PAX9: variants seen among roughly 807,000 people sequenced by gnomAD.
PAX9 encodes paired box 9.
PAX9 carries 6 observed loss-of-function variants against 29.1 expected under a neutral mutation model. That is an observed-to-expected ratio of 0.21 (90% CI 0.11 to 0.41). The LOEUF (loss-of-function observed/expected upper bound fraction) is 0.41, where lower values mean the gene tolerates loss of function less well. Ranked by LOEUF, PAX9 falls within the 10% of genes least tolerant of loss-of-function variation. The pLI is 1.00. For synonymous variants in PAX9, 217 were observed against 211.7 expected (o/e 1.03, Z -0.22); for missense variants, 443 against 479.1 (o/e 0.92, Z 0.70).
At chr14:36,673,888 T>C (rs1400989018) in intron 3 of PAX9, among the ~76,000 whole-genome samples, 1 of 152,242 alleles carries the variant, frequency 6.6e-6, no homozygotes, top group Non-Finnish European at 1.5e-5. Flanking sequence ...TTAGCATTCT[T>C]ATTTCATTAT....
intron 2 of PAX9, among the ~76,000 whole-genome samples, chr14:36,664,780 T>A (rs1016224194): frequency 6.6e-6 from 1 of 152,196 alleles, no homozygotes; most frequent in Non-Finnish European, 1.5e-5. Context: ...GCCACCACAT[T>A]GGCACAATTA....
intron 3 of PAX9, among the ~76,000 whole-genome samples, chr14:36,673,921 T>G (rs1046792413): frequency 6.6e-6 from 1 of 152,240 alleles, no homozygotes. Flanking sequence ...TTGGCATCAG[T>G]AGTATAAAAC....
rs755333152 is a variant in PAX9 at position 36,676,255 on chromosome 14, T to C, written c.829T>C (p.Tyr277His). Residue 277 changes from tyrosine to histidine, a missense_variant, in exon 4 of 4, where the codon TAC becomes CAC. This residue lies in a region of PAX9 where 336 missense variants were observed against 317.2 expected (regional missense o/e 1.06). Transcript: ENST00000361487. ...TGTGTCAGCATCCAGCATGGCTCCTTACCCTACCCCAGCCCAAGTGTCGCC... is the reference window on the plus strand; with the variant it reads ...TGTGTCAGCATCCAGCATGGCTCCTCACCCTACCCCAGCCCAAGTGTCGCC... ...SFVSASSMAPYPTPAQVSPYM... is the reference protein window; with the variant it reads ...SFVSASSMAPHPTPAQVSPYM... 6.2e-7 allele frequency: 1 copy of C among 1,614,158 alleles called. No individual in the cohort carries two copies. The highest frequency in any genetic ancestry group is 8.5e-7 in the Non-Finnish European group (1 of 1,180,024).
upstream of PAX9, among the ~76,000 whole-genome samples, chr14:36,661,005 C>T (rs1347769472): frequency 6.6e-6 from 1 of 152,266 alleles, no homozygotes; most frequent in Non-Finnish European, 1.5e-5. Flanking sequence ...TTCGAGAGGG[C>T]TCGCTGGTTT....
intron 2 of PAX9, among the ~76,000 whole-genome samples, chr14:36,664,318 T>C (rs1387268233): frequency 6.6e-6 from 1 of 152,194 alleles, no homozygotes; most frequent in Non-Finnish European, 1.5e-5. Context: ...CCTTTTACTG[T>C]TCTTTTCAGT....
upstream of PAX9, among the ~76,000 whole-genome samples, chr14:36,659,844 A>G (rs552776061): frequency 1.3e-5 from 2 of 152,304 alleles, no homozygotes; most frequent in African/African-American, 4.8e-5. Flanking sequence ...AAACCATATC[A>G]GTTTCTGAAC....
rs1214363522 is a variant in PAX9, at chr14:36,678,268, A to T, written c.*1816A>T. ...GATGTAAACAGTAAGCAGATTTCTG[A>T]CACACAAATTATGTTAGAGTGACTG... On this transcript the variant is annotated 3_prime_UTR_variant, in exon 4 of 4. Transcript: ENST00000361487. 1.8e-6 allele frequency: 1 copy of T among 565,156 alleles called. No individual in the cohort carries two copies. The highest frequency in any genetic ancestry group is 3.2e-6 in the Non-Finnish European group (1 of 316,282). The allele number at this position is 565,156 out of a possible 1,614,324, so 35.0% of individuals were successfully genotyped here.
intron 3 of PAX9, among the ~76,000 whole-genome samples, chr14:36,669,266 AAAGTG>A (rs1881622410): frequency 6.6e-6 from 1 of 152,220 alleles, no homozygotes; most frequent in African/African-American, 2.4e-5. Flanking sequence ...ATACAAAGGT[AAAGTG>A]TTGCCCATAT....
intron 2 of PAX9, among the ~76,000 whole-genome samples, chr14:36,664,306 G>C (rs1881406572): frequency 6.6e-6 from 1 of 152,222 alleles, no homozygotes; most frequent in South Asian, 2.1e-4. Context: ...ATTCCATGCT[G>C]TCCTTTTACT....
chr14:36,661,836 A>T (rs1311671222), upstream of PAX9: 1 of 572,888 alleles, frequency 1.7e-6, no homozygotes, highest in African/African-American at 1.9e-5. Context: ...AGTGAGTGAT[A>T]GACGGAGCCG....
Position 36,663,460 on chromosome 14 carries a change from C to T in PAX9, c.568C>T (p.Arg190Cys). The T allele has an allele frequency of 1.2e-6, 2 of 1,613,006 alleles. No homozygotes were observed. Among genetic ancestry groups the T allele is most frequent in the African/African-American group, 1.3e-5 (1 of 75,046 alleles). ...CATCCCCGGTTCGGTGGCCATGCCG[C>T]GCACCTGGCCCTCCTCGCACTCCGT... ...PAIPGSVAMPRTWPSSHSVTD... is the reference protein window; with the variant it reads ...PAIPGSVAMPCTWPSSHSVTD... The change falls in exon 2 of 4, where the codon CGC (arginine) becomes TGC (cysteine). Residue 190 changes from arginine to cysteine, a missense_variant. Transcript: ENST00000361487.
At chr14:36,676,146 A>G in intron 3 of PAX9, 52 bp from the exon 4 acceptor site, 3 of 1,594,436 alleles carry the variant, frequency 1.9e-6, no homozygotes, top group South Asian at 2.2e-5. Flanking sequence ...AACGTGTGAA[A>G]TGTTCACTCC....
At chr14:36,670,796 T>C (rs574336764) in intron 3 of PAX9, among the ~76,000 whole-genome samples, 3 of 152,198 alleles carry the variant, frequency 2.0e-5, no homozygotes, top group Non-Finnish European at 1.5e-5. Context: ...TCAATTTTAA[T>C]AATATTTTGG....
Position 36,666,474 on chromosome 14 carries a change from C to G in PAX9, c.644C>G (p.Ser215Cys), listed in dbSNP as rs1206808645. Residue 215 changes from serine to cysteine, a missense_variant, in exon 3 of 4, where the codon TCC (serine) becomes TGC (cysteine). This residue lies in a region of PAX9 where 336 missense variants were observed against 317.2 expected (regional missense o/e 1.06). Transcript: ENST00000361487. ...RSITDQVSDS[S>C]PYHSPKVEEW... ...TTCTCTCCATCAGTGAGCGACAGCT[C>G]CCCCTACCACAGCCCCAAGGTGGAG... 1 of 1,610,956 alleles carries G rather than the reference C, an allele frequency of 6.2e-7. No homozygotes were observed. The highest frequency in any genetic ancestry group is 2.2e-5 in the East Asian group (1 of 44,702).
Position 36,675,693 on chromosome 14 carries a change from C to T in PAX9, c.772-505C>T, listed in dbSNP as rs115676535. ...AAAATATGGTCTATATTTTCTTTAA[C>T]GAAGGTCGTGTTTGTTGTGCGTTTC... On this transcript the variant is annotated intron_variant, in intron 3 of 3. Transcript: ENST00000361487. Among the ~76,000 whole-genome samples the T allele has an allele frequency of 5.9e-3, 896 of 152,192 alleles. 5 individuals carry two copies. Among genetic ancestry groups the T allele is most frequent in the African/African-American group, 0.02 (826 of 41,516 alleles).
chr14:36,659,044 C>T (rs1169799968), upstream of PAX9, among the ~76,000 whole-genome samples: 2 of 152,246 alleles, frequency 1.3e-5, no homozygotes, highest in East Asian at 3.9e-4. Context: ...GAGAGCGAGT[C>T]GCCCCTCGGA....
chr14:36,666,391 T>C, intron 2 of PAX9, 71 bp from the exon 3 acceptor site: 1 of 1,561,376 alleles, frequency 6.4e-7, no homozygotes, highest in Non-Finnish European at 8.7e-7. Context: ...CGTCGCGGGT[T>C]TGGGTCCCGT....
In PAX9 at chr14:36,661,897, A is replaced by G. The variant is rs1594465743; in HGVS notation, c.-193A>G. On this transcript the variant is annotated 5_prime_UTR_variant, in exon 1 of 4. Coordinates refer to ENST00000361487, the MANE Select transcript of PAX9 (RefSeq NM_001372076.1). ...GTTGCTGCTTAGATTGAAATGCAGA[A>G]CTCAAGCCTCTTTCATCGGGGCACA... 1.4e-6 allele frequency: 1 copy of G among 701,638 alleles called. No homozygotes were observed. The highest frequency in any genetic ancestry group is 3.9e-4 in the Middle Eastern group (1 of 2,556). The allele number at this position is 701,638 out of a possible 1,614,324, so 43.5% of individuals were successfully genotyped here.
intron 2 of PAX9, among the ~76,000 whole-genome samples, chr14:36,664,244 T>C (rs1270355758): frequency 6.6e-6 from 1 of 152,174 alleles, no homozygotes; most frequent in East Asian, 1.9e-4. Flanking sequence ...GTATATATCT[T>C]AGGAAGGGAA....
Sources: gnomAD v4.1 joint callset for allele counts (sites outside exome capture counted in the v4.1 genomes callset) on GRCh38, gnomAD v4.1.1 for gene constraint, gnomAD v4.1.1 regional missense constraint, MANE v1.5 for transcripts, NCBI Gene and HGNC (gene_info 2026-07-23, HGNC 2026-07-21) for gene names.